CHODL: variants seen among roughly 807,000 people sequenced by gnomAD.
The protein encoded by CHODL is transmembrane protein MT75.
A neutral mutation model predicts 34.5 loss-of-function variants in CHODL; 29 were observed. The observed-to-expected ratio is 0.84, with a 90% confidence interval of 0.63 to 1.15. The LOEUF (loss-of-function observed/expected upper bound fraction) is 1.15, where lower values mean the gene tolerates loss of function less well. Among genes scored for constraint, CHODL ranks in the 50% most tolerant of loss-of-function variants. The pLI is 0.00. For missense variants in CHODL, 332 were observed against 332.5 expected (o/e 1.00, Z 0.01); for synonymous variants, 125 against 116.1 (o/e 1.08, Z -0.49).
intron 1 of CHODL, among the ~76,000 whole-genome samples, chr21:17,933,139 A>T (rs576074683): frequency 6.6e-6 from 1 of 152,206 alleles, no homozygotes; most frequent in East Asian, 1.9e-4. Flanking sequence ...TAGATGGAAC[A>T]TACAATCGGG....
rs923950937 is a variant in CHODL at position 18,235,652 on chromosome 21, T to G, written c.-44-20857T>G. Among the ~76,000 whole-genome samples, 80 of 152,126 alleles carry G rather than the reference T, an allele frequency of 5.3e-4. 3 individuals carry two copies. Among genetic ancestry groups the G allele is most frequent in the Non-Finnish European group, 1.8e-4 (12 of 68,004 alleles). ...ATAAAATAGAAGAATCTGTCACACA[T>G]GCAGCCAACTGAATGCATTCCACTT... On this transcript the variant is annotated intron_variant, in intron 2 of 6. Transcript: ENST00000400127.
In CHODL at chr21:18,257,062, A is replaced by AGTATAC. The variant is rs750576282; in HGVS notation, c.482_483insGTATAC (p.Tyr161delinsTer). ...GCCAATCCTGGCCTTGGGGGTCCCT[A>AGTATAC]CCTTTACCAGTGGAATGATGACAGG... On this transcript the variant is annotated stop_gained, in exon 3 of 6. Transcript: ENST00000299295. LOFTEE classifies it high-confidence loss of function. 1 of 1,613,988 alleles carries AGTATAC rather than the reference A, an allele frequency of 6.2e-7. No individual in the cohort carries two copies. Among genetic ancestry groups the AGTATAC allele is most frequent in the Non-Finnish European group, 8.5e-7 (1 of 1,179,914 alleles).
chr21:18,256,778 G>A lies in CHODL; in HGVS notation c.349G>A (p.Asp117Asn), dbSNP rs1319569358. 2 of 1,613,976 alleles carry A rather than the reference G, an allele frequency of 1.2e-6. No individual in the cohort carries two copies. Among genetic ancestry groups the A allele is most frequent in the African/African-American group, 1.3e-5 (1 of 74,928 alleles). ...GDGQTSGACPDLYQWSDGSNS... is the reference protein window; with the variant it reads ...GDGQTSGACPNLYQWSDGSNS... The stretch of plus-strand genomic sequence containing the variant: ...TGGGCAAACATCTGGTGCCTGCCCA[G>A]ATCTCTACCAGTGGTCTGATGGAAG... The change falls in exon 2 of 6, where the codon GAT (aspartate) becomes AAT (asparagine). Residue 117 changes from aspartate (D) to asparagine (N), a missense_variant. Coordinates refer to ENST00000299295, the MANE Select transcript of CHODL (RefSeq NM_024944.3).
At position 18,224,066 on chromosome 21, in the gene CHODL, A is replaced by G. The variant is rs561001589; in HGVS notation, c.-44-32443A>G. ...AATGGAATAAATGAGGAAGAGCCCA[A>G]TACGGCTCTTGCTGAATCTTCTTGG... On this transcript the variant is annotated intron_variant, in intron 2 of 6. Coordinates refer to the CHODL transcript ENST00000400127. 2.6e-5 allele frequency among the ~76,000 whole-genome samples: 4 copies of G among 152,258 alleles called. No individual in the cohort carries two copies. The East Asian group carries it at 5.8e-4, about 22-fold the overall frequency.
At chr21:17,963,449 C>T (rs979047974) in intron 1 of CHODL, among the ~76,000 whole-genome samples, 3 of 152,158 alleles carry the variant, frequency 2.0e-5, no homozygotes, top group Non-Finnish European at 2.9e-5. Context: ...GCCTTACAAT[C>T]GTGGCTGAAG....
intron 2 of CHODL, among the ~76,000 whole-genome samples, chr21:18,110,959 T>C (rs1188623931): frequency 6.6e-6 from 1 of 152,188 alleles, no homozygotes; most frequent in Non-Finnish European, 1.5e-5. Context: ...GGATCTCTTG[T>C]CTTGCCCTAT....
intron 1 of CHODL, among the ~76,000 whole-genome samples, chr21:17,998,308 G>C (rs376710765): frequency 3.2e-4 from 48 of 152,310 alleles, no homozygotes; most frequent in African/African-American, 1.1e-3. Flanking sequence ...GCTTTTCAGG[G>C]TACAGTCTCT....
At chr21:18,193,659 G>A (rs1296064021) in intron 2 of CHODL, among the ~76,000 whole-genome samples, 1 of 145,770 alleles carries the variant, frequency 6.9e-6, no homozygotes, top group Non-Finnish European at 1.5e-5. Context: ...TTATGCCACT[G>A]CACTCCAGCC....
At chr21:17,972,675 C>T (rs971493693) in intron 1 of CHODL, among the ~76,000 whole-genome samples, 18 of 152,270 alleles carry the variant, frequency 1.2e-4, no homozygotes, top group African/African-American at 3.1e-4. Flanking sequence ...ATTTCATGCT[C>T]GTGGATAGGA....
chr21:18,113,237 A>G (rs1013996880), intron 2 of CHODL, among the ~76,000 whole-genome samples: 4 of 152,224 alleles, frequency 2.6e-5, no homozygotes, highest in Admixed American at 6.5e-5. Context: ...CACCTCAGTT[A>G]TAAAAGACAG....
intron 1 of CHODL, among the ~76,000 whole-genome samples, chr21:18,018,296 G>C (rs2064094366): frequency 6.6e-6 from 1 of 152,134 alleles, no homozygotes; most frequent in African/African-American, 2.4e-5. Context: ...GAGAGGTCAA[G>C]GGTGGAATTA....
chr21:18,058,132 A>T (rs2064607674), intron 2 of CHODL, among the ~76,000 whole-genome samples: 1 of 152,026 alleles, frequency 6.6e-6, no homozygotes. Flanking sequence ...TCCCCTATCC[A>T]CTATCCTTCT....
intron 1 of CHODL, among the ~76,000 whole-genome samples, chr21:17,941,286 CTTTTTTTTTTT>C (rs34255623): frequency 8.0e-5 from 7 of 87,936 alleles, no homozygotes; most frequent in South Asian, 4.3e-4. Context: ...TAACTTGCCT[CTTTTTTTTTTT>C]TTTTTTTTTT....
chr21:18,072,216 A>AT (rs11403280), intron 2 of CHODL, among the ~76,000 whole-genome samples: 67 of 149,346 alleles, frequency 4.5e-4, no homozygotes, highest in African/African-American at 1.3e-3. Flanking sequence ...AATCATAAAA[A>AT]TATATAATTC....
intron 1 of CHODL, among the ~76,000 whole-genome samples, chr21:17,948,384 A>C (rs1460256252): frequency 2.0e-5 from 3 of 151,990 alleles, no homozygotes; most frequent in Non-Finnish European, 4.4e-5. Flanking sequence ...ACTTCAAGAA[A>C]TAAAAAAAAC....
chr21:18,180,013 A>G (rs1021553647), intron 2 of CHODL, among the ~76,000 whole-genome samples: 1 of 152,180 alleles, frequency 6.6e-6, no homozygotes, highest in Non-Finnish European at 1.5e-5. Flanking sequence ...TTTCACATCT[A>G]TAAGAAGATA....
chr21:18,254,405 C>T (rs188980287), intron 1 of CHODL, among the ~76,000 whole-genome samples: 1 of 152,184 alleles, frequency 6.6e-6, no homozygotes, highest in Non-Finnish European at 1.5e-5. Context: ...TAGGGCAAGA[C>T]TCAGAAAGTA....
intron 2 of CHODL, among the ~76,000 whole-genome samples, chr21:18,221,474 T>C (rs1446065581): frequency 6.6e-6 from 1 of 152,204 alleles, no homozygotes; most frequent in Non-Finnish European, 1.5e-5. Flanking sequence ...CTTACTTCCT[T>C]ATGTTGATAT....
At chr21:18,120,685 G>A (rs547649614) in intron 2 of CHODL, among the ~76,000 whole-genome samples, 11 of 152,102 alleles carry the variant, frequency 7.2e-5, no homozygotes, top group African/African-American at 2.7e-4. Flanking sequence ...ATATTTAAAT[G>A]TTTTCCTATG....
Sources: gnomAD v4.1 joint callset for allele counts (sites outside exome capture counted in the v4.1 genomes callset) on GRCh38, gnomAD v4.1.1 for gene constraint, MANE v1.5 for transcripts, NCBI Gene and HGNC (gene_info 2026-07-23, HGNC 2026-07-21) for gene names.